DLG2: variants seen among roughly 807,000 people sequenced by gnomAD.
DLG2 encodes the protein disks large homolog 2.
DLG2 carries 45 observed loss-of-function variants against 132.5 expected under a neutral mutation model. The observed-to-expected ratio is 0.34, with a 90% confidence interval of 0.27 to 0.44. The LOEUF (loss-of-function observed/expected upper bound fraction) is 0.44, where lower values mean the gene tolerates loss of function less well. Among genes scored for constraint, DLG2 ranks in the 20% least tolerant of loss-of-function variants. The pLI is 1.00. For missense variants in DLG2, 1,045 were observed against 1,196.9 expected (o/e 0.87, Z 1.87); for synonymous variants, 424 against 419.6 (o/e 1.01, Z -0.13).
At chr11:84,721,364 C>T (rs375308912) in intron 6 of DLG2, among the ~76,000 whole-genome samples, 3 of 152,298 alleles carry the variant, frequency 2.0e-5, no homozygotes, top group African/African-American at 7.2e-5. Flanking sequence ...TTTGACATAA[C>T]ATTTGTCAAA....
At chr11:84,613,011 T>G (rs2099598049) in intron 6 of DLG2, among the ~76,000 whole-genome samples, 1 of 152,152 alleles carries the variant, frequency 6.6e-6, no homozygotes, top group Non-Finnish European at 1.5e-5. Flanking sequence ...CTCACGAATT[T>G]CTAAATGCAA....
chr11:84,441,596 ATATG>A (rs2099017483), intron 7 of DLG2, among the ~76,000 whole-genome samples: 1 of 152,210 alleles, frequency 6.6e-6, no homozygotes, highest in African/African-American at 2.4e-5. Context: ...CTCTAAGTAT[ATATG>A]TATCATGTGA....
At chr11:83,517,532 G>C (rs1357136417) in intron 21 of DLG2, among the ~76,000 whole-genome samples, 1 of 152,202 alleles carries the variant, frequency 6.6e-6, no homozygotes, top group African/African-American at 2.4e-5. Flanking sequence ...ATCGAAGTCA[G>C]TCTCTGTCCA....
intron 11 of DLG2, among the ~76,000 whole-genome samples, chr11:84,005,695 T>G (rs1380364581): frequency 6.6e-6 from 1 of 151,810 alleles, no homozygotes; most frequent in African/African-American, 2.4e-5. Context: ...TAGACATTTC[T>G]CAAAAGATGA....
At chr11:85,326,474 T>C (rs1030643113) in intron 3 of DLG2, among the ~76,000 whole-genome samples, 2 of 111,864 alleles carry the variant, frequency 1.8e-5, no homozygotes, top group Non-Finnish European at 3.6e-5. Context: ...TATTCAACAT[T>C]CTTAAAGAAA....
At chr11:85,579,118 CAAACTAATGCAGGAACAGA>C (rs1245444111) in intron 3 of DLG2, among the ~76,000 whole-genome samples, 1 of 152,088 alleles carries the variant, frequency 6.6e-6, no homozygotes, top group Non-Finnish European at 1.5e-5. Flanking sequence ...TTACCTTTAG[CAAACTAATGCAGGAACAGA>C]AAACCAAATA....
At chr11:83,531,717 CATA>C (rs1313759531) in intron 21 of DLG2, among the ~76,000 whole-genome samples, 17 of 148,556 alleles carry the variant, frequency 1.1e-4, no homozygotes, top group African/African-American at 3.2e-4. Flanking sequence ...CAGCATTATC[CATA>C]ATAACTAAAA....
chr11:84,538,260 A>T (rs912204359), intron 6 of DLG2, among the ~76,000 whole-genome samples: 8 of 152,220 alleles, frequency 5.3e-5, no homozygotes, highest in Non-Finnish European at 1.0e-4. Context: ...GTGAAGAGAC[A>T]TGTGGTAAGA....
rs140331341 is a variant in DLG2, at chr11:84,621,509, G to A, written c.358-86778C>T. Among the ~76,000 whole-genome samples the A allele has an allele frequency of 7.6e-4, 116 of 152,182 alleles. 1 individual carries two copies. The highest frequency in any genetic ancestry group is 3.4e-3 in the Middle Eastern group (1 of 294). The stretch of plus-strand genomic sequence containing the variant: ...AAAAATAAATGAGCCTCCCATGTAC[G>A]CCTCATTTGTTCACTCGCTAATTGA... On this transcript the variant is annotated intron_variant, in intron 6 of 27. Transcript: ENST00000376104.
chr11:85,126,732 C>T (rs1439422272), intron 5 of DLG2, among the ~76,000 whole-genome samples: 1 of 151,916 alleles, frequency 6.6e-6, no homozygotes, highest in Non-Finnish European at 1.5e-5. Context: ...AAGAAGTGCA[C>T]CACAAAAAAA....
intron 6 of DLG2, among the ~76,000 whole-genome samples, chr11:84,870,369 G>T (rs1371928243): frequency 6.6e-6 from 1 of 152,140 alleles, no homozygotes; most frequent in Non-Finnish European, 1.5e-5. Context: ...TTTCCAGCAA[G>T]ATCCTGTTAT....
At chr11:83,662,316 A>T (rs2074480519) in intron 18 of DLG2, among the ~76,000 whole-genome samples, 1 of 152,182 alleles carries the variant, frequency 6.6e-6, no homozygotes, top group Non-Finnish European at 1.5e-5. Context: ...ACAGATTGAA[A>T]ATGGCTCTAT....
intron 6 of DLG2, among the ~76,000 whole-genome samples, chr11:84,766,002 C>T (rs2068357735): frequency 6.6e-6 from 1 of 151,966 alleles, no homozygotes; most frequent in Non-Finnish European, 1.5e-5. Flanking sequence ...CCCACAATAC[C>T]TTCAGTTCAC....
At chr11:83,750,356 T>C (rs2093221986) in intron 18 of DLG2, among the ~76,000 whole-genome samples, 1 of 152,216 alleles carries the variant, frequency 6.6e-6, no homozygotes, top group Non-Finnish European at 1.5e-5. Context: ...TCTGAATACC[T>C]GAATTGCACT....
At chr11:85,589,143 T>A (rs975085700) in intron 3 of DLG2, among the ~76,000 whole-genome samples, 1 of 152,200 alleles carries the variant, frequency 6.6e-6, no homozygotes, top group African/African-American at 2.4e-5. Context: ...CTTTCTCAAA[T>A]GCTGGTTATG....
intron 15 of DLG2, among the ~76,000 whole-genome samples, chr11:83,911,458 C>T (rs764406226): frequency 6.6e-6 from 1 of 151,922 alleles, no homozygotes; most frequent in Non-Finnish European, 1.5e-5. Flanking sequence ...TTTCTATGAA[C>T]TAAGGTTTTT....
rs766180584 is a variant in DLG2 at position 84,640,510 on chromosome 11, T to A, written c.358-105779A>T. 5.0e-5 allele frequency: 20 copies of A among 402,890 alleles called. 1 individual carries two copies. The highest frequency in any genetic ancestry group is 8.9e-4 in the Middle Eastern group (1 of 1,124). The allele number at this position is 402,890 out of a possible 1,614,324, so 25.0% of individuals were successfully genotyped here. ...GTTAAAAACAAAGATATCAGAAAAC[T>A]TTTGGATGGTATCTATGTGTCTGAA... On this transcript the variant is annotated intron_variant, in intron 6 of 27. Coordinates refer to ENST00000376104, the MANE Select transcript of DLG2 (RefSeq NM_001142699.3).
At chr11:85,272,512 T>C (rs2077599691) in intron 4 of DLG2, among the ~76,000 whole-genome samples, 2 of 152,154 alleles carry the variant, frequency 1.3e-5, no homozygotes, top group African/African-American at 4.8e-5. Context: ...ACAGTTTTGC[T>C]CTTAAGGCCT....
At chr11:85,065,703 C>A (rs1216863705) in intron 6 of DLG2, among the ~76,000 whole-genome samples, 1 of 150,940 alleles carries the variant, frequency 6.6e-6, no homozygotes, top group African/African-American at 2.4e-5. Context: ...AAACAATCTG[C>A]TCCTGAATAA....
Sources: gnomAD v4.1 joint callset for allele counts (sites outside exome capture counted in the v4.1 genomes callset) on GRCh38, gnomAD v4.1.1 for gene constraint, MANE v1.5 for transcripts, NCBI Gene and HGNC (gene_info 2026-07-23, HGNC 2026-07-21) for gene names.